SH3GL1: variants seen among roughly 807,000 people sequenced by gnomAD.
SH3GL1 encodes endophilin-A2.
Under a neutral mutation model 48.8 loss-of-function variants are expected in SH3GL1, and 21 were observed. The observed-to-expected ratio is 0.43, with a 90% confidence interval of 0.30 to 0.62. SH3GL1 has a LOEUF of 0.62. SH3GL1 is among the 20% of genes least tolerant of loss of function. The pLI, the probability that SH3GL1 is intolerant of heterozygous loss-of-function variation, is 0.11. For synonymous variants in SH3GL1, 282 were observed against 217.5 expected (o/e 1.30, Z -2.61); for missense variants, 454 against 503.0 (o/e 0.90, Z 0.93).
At chr19:4,374,624 C>T (rs570297369) in intron 1 of SH3GL1, among the ~76,000 whole-genome samples, 1 of 152,238 alleles carries the variant, frequency 6.6e-6, no homozygotes, top group Non-Finnish European at 1.5e-5. Flanking sequence ...TCCTCCCTGG[C>T]CTCCTGGCCC....
intron 1 of SH3GL1, among the ~76,000 whole-genome samples, chr19:4,391,498 G>C (rs948633300): frequency 6.6e-6 from 1 of 152,206 alleles, no homozygotes; most frequent in Non-Finnish European, 1.5e-5. Flanking sequence ...CGAACTTTCA[G>C]CCCTTGACTT....
At chr19:4,395,596 AAC>A (rs1973411089) in intron 1 of SH3GL1, 1 of 152,190 alleles carries the variant, frequency 6.6e-6, no homozygotes, top group Admixed American at 6.5e-5. Flanking sequence ...ATATATGATA[AAC>A]AGTGTATGTA....
intron 1 of SH3GL1, among the ~76,000 whole-genome samples, chr19:4,382,602 G>A (rs918706027): frequency 1.3e-5 from 2 of 152,148 alleles, no homozygotes; most frequent in African/African-American, 4.8e-5. Context: ...CTGGGCCCTT[G>A]TGGATAAGCC....
intron 1 of SH3GL1, among the ~76,000 whole-genome samples, chr19:4,369,141 G>T (rs910200967): frequency 2.0e-5 from 3 of 152,204 alleles, no homozygotes; most frequent in Non-Finnish European, 4.4e-5. Context: ...TCTGGCACAG[G>T]TGAGAAGCAG....
chr19:4,371,521 GACTATCTGCTCTGATGAATTC>G (rs1297524890), intron 1 of SH3GL1, among the ~76,000 whole-genome samples: 1 of 152,264 alleles, frequency 6.6e-6, no homozygotes, highest in Non-Finnish European at 1.5e-5. Flanking sequence ...TGCCCCAGCA[GACTATCTGCTCTGATGAATTC>G]ACAGGGTTTT....
Position 4,364,916 on chromosome 19 carries a change from A to ATTT in SH3GL1, c.331+563_331+565dup, listed in dbSNP as rs35880496. Among the ~76,000 whole-genome samples, 249 of 116,198 alleles carry ATTT rather than the reference A, an allele frequency of 2.1e-3. 1 individual carries two copies. Among genetic ancestry groups the ATTT allele is most frequent in the African/African-American group, 5.9e-3 (156 of 26,468 alleles). 76.2% of individuals were successfully genotyped at this position (116,198 alleles called of 152,430 possible). On this transcript the variant is annotated intron_variant, in intron 4 of 9. Transcript: ENST00000269886. ...TGTGTGTGTATATATATATATATAT[A>ATTT]TTTTTTTTTTTTTAGTAGAAGCGGG...
chr19:4,360,694 G>A lies in SH3GL1; in HGVS notation c.*906C>T, dbSNP rs1404945605. 2.1e-5 allele frequency: 5 copies of A among 233,274 alleles called. No homozygotes were observed. Among genetic ancestry groups the A allele is most frequent in the Non-Finnish European group, 4.2e-5 (5 of 118,182 alleles). 14.5% of individuals were successfully genotyped at this position (233,274 alleles called of 1,614,324 possible). A position where few individuals can be genotyped will look rare whatever the true frequency, so the allele number is the denominator to read the frequency against. The stretch of plus-strand genomic sequence containing the variant: ...ACTTCCCACAGGGTGAAGTGGCAGC[G>A]GCTCAGCAAGGGGAGCCTGGCCACC... On this transcript the variant is annotated 3_prime_UTR_variant, in exon 10 of 10. Coordinates refer to ENST00000269886, the MANE Select transcript of SH3GL1 (RefSeq NM_003025.4).
chr19:4,373,303 C>T (rs531914915), intron 1 of SH3GL1, among the ~76,000 whole-genome samples: 23 of 152,288 alleles, frequency 1.5e-4, no homozygotes, highest in South Asian at 6.2e-4. Context: ...GTGTGATGCA[C>T]GGAGGGAAGG....
intron 1 of SH3GL1, among the ~76,000 whole-genome samples, chr19:4,394,658 C>CAA (rs1367763551): frequency 6.6e-6 from 1 of 152,182 alleles, no homozygotes; most frequent in East Asian, 1.9e-4. Flanking sequence ...AACTCAGAAC[C>CAA]AACAACACAG....
At chr19:4,364,906 A>G (rs796689917) in intron 4 of SH3GL1, among the ~76,000 whole-genome samples, 2,653 of 30,820 alleles carry the variant, frequency 0.086, 80 homozygotes, top group East Asian at 0.22. Context: ...GTGTATATAT[A>G]TATATATATA....
intron 1 of SH3GL1, among the ~76,000 whole-genome samples, chr19:4,381,525 C>T (rs1973129727): frequency 1.2e-5 from 1 of 84,306 alleles, no homozygotes; most frequent in Non-Finnish European, 2.5e-5. Flanking sequence ...CCTCTCTGTC[C>T]CCCTGCTTCT....
chr19:4,386,476 CTTTTTT>C (rs369353160), intron 1 of SH3GL1, among the ~76,000 whole-genome samples: 2 of 127,176 alleles, frequency 1.6e-5, no homozygotes, highest in Non-Finnish European at 3.4e-5. Flanking sequence ...TTTGGGAACT[CTTTTTT>C]TTTTTTATTT....
intron 1 of SH3GL1, among the ~76,000 whole-genome samples, chr19:4,371,685 C>T (rs1196491836): frequency 6.6e-6 from 1 of 152,222 alleles, no homozygotes; most frequent in East Asian, 1.9e-4. Flanking sequence ...GTCTCACTGG[C>T]AGTCATGCTG....
rs115734007 is a variant in SH3GL1, at chr19:4,363,886, C to T, written c.466-8G>A. On this transcript the variant is annotated splice_region_variant and splice_polypyrimidine_tract_variant and intron_variant, in intron 5 of 9. Coordinates refer to ENST00000269886, the MANE Select transcript of SH3GL1 (RefSeq NM_003025.4). ...CAGTTTCTTCAGGTGGTGCTGGAGACGTGGGGGACATGGGTCACACCAGTA... is the reference window on the plus strand; with the variant it reads ...CAGTTTCTTCAGGTGGTGCTGGAGATGTGGGGGACATGGGTCACACCAGTA... 2.8e-3 allele frequency: 4,531 copies of T among 1,611,980 alleles called. 125 individuals are homozygous for T. The African/African-American group carries it at 0.054, about 19-fold the overall frequency.
chr19:4,393,916 C>G (rs1973381769), intron 1 of SH3GL1, among the ~76,000 whole-genome samples: 1 of 152,036 alleles, frequency 6.6e-6, no homozygotes, highest in Non-Finnish European at 1.5e-5. Flanking sequence ...TGACCTACAG[C>G]CCCCAAATAG....
Position 4,400,121 on chromosome 19 carries a change from C to T in SH3GL1, c.45+203G>A, listed in dbSNP as rs934493467. 1.3e-5 allele frequency among the ~76,000 whole-genome samples: 2 copies of T among 152,176 alleles called. No individual in the cohort carries two copies. The highest frequency in any genetic ancestry group is 2.9e-5 in the Non-Finnish European group (2 of 68,002). ...CCCCTCCTCCCAGGGGCTCTGTCCC[C>T]GCTTCTGGAGCCCGCATGGCGGGCA... On this transcript the variant is annotated intron_variant, in intron 1 of 9. Transcript: ENST00000269886. The surrounding 1 kb of genome is among the most constrained non-coding windows in gnomAD (Gnocchi z 4.1).
At chr19:4,362,251 C>T (rs772163135) in intron 9 of SH3GL1, 78 bp downstream of exon 9, 155 of 1,417,786 alleles carry the variant, frequency 1.1e-4, no homozygotes, top group Non-Finnish European at 8.5e-5. Flanking sequence ...GGGCAGAGAA[C>T]AGGGCGGGAG....
rs1211629467 is a variant in SH3GL1, at chr19:4,400,536, G to A, written c.-168C>T. 2.4e-5 allele frequency: 9 copies of A among 377,498 alleles called. No individual in the cohort carries two copies. The highest frequency in any genetic ancestry group is 2.9e-5 in the Non-Finnish European group (8 of 273,382). 23.4% of individuals were successfully genotyped at this position (377,498 alleles called of 1,614,324 possible). ...GCCTCAGCCGCTCGCGCGCCCGCGC[G>A]GCCAGGATATTACATGGCAACCGCA... is the stretch of plus-strand genomic sequence containing the variant. On this transcript the variant is annotated 5_prime_UTR_variant, in exon 1 of 10. Coordinates refer to ENST00000269886, the MANE Select transcript of SH3GL1 (RefSeq NM_003025.4). The surrounding 1 kb of genome is among the most constrained non-coding windows in gnomAD (Gnocchi z 4.1).
intron 1 of SH3GL1, among the ~76,000 whole-genome samples, chr19:4,388,249 G>A (rs930230643): frequency 7.9e-5 from 12 of 152,194 alleles, no homozygotes; most frequent in Non-Finnish European, 1.8e-4. Flanking sequence ...AATTTAAGAG[G>A]AAAGAGGCCG....
Sources: allele counts gnomAD v4.1 joint callset (sites outside exome capture counted in the v4.1 genomes callset), GRCh38; gene constraint gnomAD v4.1.1; non-coding constraint Gnocchi (gnomAD v3.1); transcripts MANE v1.5; gene names NCBI Gene and HGNC (gene_info 2026-07-23, HGNC 2026-07-21).